Variants in MGAM observed in about 807,000 individuals in gnomAD.
MGAM encodes the protein maltase-glucoamylase.
In MGAM, 253 loss-of-function variants were observed where a neutral mutation model predicts 358.8. The observed-to-expected ratio is 0.71, with a 90% CI of 0.64 to 0.78. The LOEUF (loss-of-function observed/expected upper bound fraction) is 0.78. Ranked by LOEUF, MGAM falls within the 30% of genes least tolerant of loss-of-function variation. The pLI, the probability that MGAM is intolerant of heterozygous loss-of-function variation, is 0.00. For synonymous variants in MGAM, 1,105 were observed against 1,227.1 expected (o/e 0.90, Z 2.08); for missense variants, 3,080 against 3,432.6 (o/e 0.90, Z 2.57).
chr7:142,031,502 G>A (rs1290004761), intron 12 of MGAM, among the ~76,000 whole-genome samples, 178 bp from the exon 13 acceptor site: 1 of 152,048 alleles, frequency 6.6e-6, no homozygotes. Flanking sequence ...ATATTTCTTC[G>A]AGTGACCCTG....
chr7:142,075,401 C>T (rs1813656042), intron 45 of MGAM, among the ~76,000 whole-genome samples: 1 of 145,982 alleles, frequency 6.9e-6, no homozygotes, highest in South Asian at 2.2e-4. Flanking sequence ...GATATGATAC[C>T]AAAAGCAAAG....
chr7:142,012,754 G>A (rs1805688488), intron 3 of MGAM, among the ~76,000 whole-genome samples: 1 of 152,114 alleles, frequency 6.6e-6, no homozygotes, highest in South Asian at 2.1e-4. Flanking sequence ...TATTTAGTTG[G>A]TGGCTGATCT....
In MGAM at chr7:142,041,927, TAA is replaced by T. The variant is rs1563144573; in HGVS notation, c.2498+1082_2498+1083del. The stretch of plus-strand genomic sequence containing the variant: ...ATATTATATATATACGTATAATATA[TAA>T]TATATATATTATATATATACATATA... On this transcript the variant is annotated intron_variant, in intron 21 of 70. Transcript: ENST00000475668. Among the ~76,000 whole-genome samples, 16 of 62,846 alleles carry T rather than the reference TAA, an allele frequency of 2.5e-4. 1 individual carries two copies. The highest frequency in any genetic ancestry group is 1.5e-3 in the African/African-American group (11 of 7,466). 41.2% of individuals were successfully genotyped at this position (62,846 alleles called of 152,430 possible).
rs1477207800 is a variant in MGAM at position 142,085,948 on chromosome 7, T to C, written c.6623T>C (p.Val2208Ala). The C allele has an allele frequency of 6.4e-7, 1 of 1,565,564 alleles. No homozygotes were observed. Among genetic ancestry groups the C allele is most frequent in the Non-Finnish European group, 8.8e-7 (1 of 1,140,946 alleles). The stretch of plus-strand genomic sequence containing the variant: ...CGCATGAAGGCTGATGGGATGCGGG[T>C]CATCCTCATTCTGGTTAGTCCTGAT... The part of the protein sequence containing the change: ...INRMKADGMR[V>A]ILILDPAISG... Residue 2208 changes from valine to alanine, a missense_variant, in exon 55 of 71, where the codon GTC becomes GCC. Around this residue, in one of 5 missense-constraint regions of MGAM, gnomAD observed 932 missense variants for 1,198.2 expected, o/e 0.78. Coordinates refer to ENST00000475668, the MANE Select transcript of MGAM (RefSeq NM_001365693.1).
chr7:142,011,351 G>A (rs183440995), intron 3 of MGAM, among the ~76,000 whole-genome samples: 2 of 152,246 alleles, frequency 1.3e-5, no homozygotes, highest in Non-Finnish European at 2.9e-5. Context: ...CAAGGGTATT[G>A]CATTTTGCCA....
At chr7:142,016,115 C>T (rs923047438) in intron 3 of MGAM, among the ~76,000 whole-genome samples, 5 of 151,966 alleles carry the variant, frequency 3.3e-5, no homozygotes, top group Non-Finnish European at 7.4e-5. Flanking sequence ...TTCATGTTTG[C>T]TTTTGACATA....
intron 65 of MGAM, among the ~76,000 whole-genome samples, chr7:142,096,674 A>G (rs886662382): frequency 1.3e-5 from 2 of 152,210 alleles, no homozygotes; most frequent in Admixed American, 6.5e-5. Flanking sequence ...CAATGACACA[A>G]TCGTTTCTTC....
chr7:142,029,224 G>A (rs1430430619), intron 10 of MGAM, among the ~76,000 whole-genome samples: 2 of 152,090 alleles, frequency 1.3e-5, no homozygotes, highest in African/African-American at 2.4e-5. Flanking sequence ...GCTGGGCATG[G>A]TGGCAGGTGC....
chr7:142,049,515 A>T (rs1340718302), intron 22 of MGAM, among the ~76,000 whole-genome samples: 1 of 152,180 alleles, frequency 6.6e-6, no homozygotes, highest in Non-Finnish European at 1.5e-5. Context: ...GAAAAGGCAA[A>T]CTACAGAATG....
At chr7:141,990,274 T>C (rs991113179) in intron 2 of MGAM, among the ~76,000 whole-genome samples, 2 of 152,308 alleles carry the variant, frequency 1.3e-5, no homozygotes, top group South Asian at 4.1e-4. Flanking sequence ...ATGATTCACA[T>C]GCATTATTTC....
intron 2 of MGAM, among the ~76,000 whole-genome samples, chr7:142,006,502 C>T (rs913532911): frequency 2.0e-5 from 3 of 152,102 alleles, no homozygotes; most frequent in East Asian, 1.9e-4. Flanking sequence ...CCCAAAAAAC[C>T]GTTATGTGAC....
Position 142,096,363 on chromosome 7 carries a change from A to G in MGAM, c.7640A>G (p.Asp2547Gly), listed in dbSNP as rs776176991. Residue 2547 changes from aspartate to glycine, a missense_variant, in exon 65 of 71, where the codon GAC (aspartate) becomes GGC (glycine). Coordinates refer to ENST00000475668, the MANE Select transcript of MGAM (RefSeq NM_001365693.1). ...TCAGACCAGGTGACATGGGACATAG[A>G]CAGTCAGTTCCTGCTGGGCCCAGCC... ...FVSDQVTWDI[D>G]SQFLLGPAFL... 1 of 1,613,654 alleles carries G rather than the reference A, an allele frequency of 6.2e-7. No individual in the cohort carries two copies. The highest frequency in any genetic ancestry group is 8.5e-7 in the Non-Finnish European group (1 of 1,179,706).
In MGAM at chr7:142,031,219, G is replaced by C. The variant is rs76665842; in HGVS notation, c.1471-461G>C. Among the ~76,000 whole-genome samples, 1,407 of 152,226 alleles carry C rather than the reference G, an allele frequency of 9.2e-3. 16 individuals are homozygous for C. Among genetic ancestry groups the C allele is most frequent in the African/African-American group, 0.032 (1,350 of 41,540 alleles). On this transcript the variant is annotated intron_variant, in intron 12 of 70. Coordinates refer to ENST00000475668, the MANE Select transcript of MGAM (RefSeq NM_001365693.1). ...TTGTTTGTCCTTGTTTTTTCAGGAA[G>C]GTGTTATCTGCTTGTTCACTTCTAA...
chr7:141,997,000 TAAAATAA>T (rs1162182399), intron 1 of MGAM, among the ~76,000 whole-genome samples: 3 of 149,108 alleles, frequency 2.0e-5, no homozygotes, highest in Non-Finnish European at 3.0e-5. Flanking sequence ...AAAATAAACT[TAAAATAA>T]AACTTAAAAT....
At position 142,093,442 on chromosome 7, in the gene MGAM, G is replaced by C. The variant is rs761598410; in HGVS notation, c.7064G>C (p.Ser2355Thr). 1.3e-6 allele frequency: 2 copies of C among 1,537,646 alleles called. No individual in the cohort carries two copies. Among genetic ancestry groups the C allele is most frequent in the African/African-American group, 2.7e-5 (2 of 74,266 alleles). The change falls in exon 60 of 71, where the codon AGC (serine) becomes ACC (threonine). Residue 2355 changes from serine (S) to threonine (T), a missense_variant. By Grantham distance (58) the Ser-to-Thr change is moderately conservative. This residue lies in a region of MGAM where 932 missense variants were observed against 1,198.2 expected (regional missense o/e 0.78). Transcript: ENST00000475668. Reference sequence around the variant, plus strand: ...GAGTCCAGGGACAGGGGCCTGAGCAGCAAGACCCTGTGCATGGAGAGTCAG... The same window carrying C: ...GAGTCCAGGGACAGGGGCCTGAGCACCAAGACCCTGTGCATGGAGAGTCAG... Reference protein sequence around the residue: ...YLESRDRGLSSKTLCMESQQI... With the variant: ...YLESRDRGLSTKTLCMESQQI...
chr7:142,093,186 T>G (rs1815560901), intron 59 of MGAM, among the ~76,000 whole-genome samples: 1 of 146,594 alleles, frequency 6.8e-6, no homozygotes, highest in Non-Finnish European at 1.5e-5. Flanking sequence ...CAGCTGTACA[T>G]TCTTCCTGAC....
rs763830175 is a variant in MGAM at position 142,055,712 on chromosome 7, G to C, written c.3469G>C (p.Asp1157His). 3.1e-6 allele frequency: 5 copies of C among 1,613,742 alleles called. No individual in the cohort carries two copies. Among genetic ancestry groups the C allele is most frequent in the Non-Finnish European group, 4.2e-6 (5 of 1,179,874 alleles). Reference sequence around the variant, plus strand: ...GCACACTTGGGGGATGTTCTCCCGAGACCAGCCCCCAGGGGTAAGGACAGA... The same window carrying C: ...GCACACTTGGGGGATGTTCTCCCGACACCAGCCCCCAGGGGTAAGGACAGA... Reference protein sequence around the residue: ...EWHTWGMFSRDQPPGYKKNSY... With the variant: ...EWHTWGMFSRHQPPGYKKNSY... The change falls in exon 28 of 71, where the codon GAC becomes CAC. Residue 1157 changes from aspartate (D) to histidine (H), a missense_variant. Around this residue, in one of 5 missense-constraint regions of MGAM, gnomAD observed 1,816 missense variants for 1,840.5 expected, o/e 0.99. Transcript: ENST00000475668.
intron 21 of MGAM, 72 bp from the exon 22 acceptor site, chr7:142,047,712 TG>T: frequency 7.2e-7 from 1 of 1,386,596 alleles, no homozygotes; most frequent in Non-Finnish European, 1.0e-6. Context: ...TGAAATTTGA[TG>T]GAAATATTCT....
rs371468966 is a variant in MGAM, at chr7:142,054,771, G to C, written c.3177G>C (p.Lys1059Asn). ...MLQFKIYDPN[K>N]NRYEVPVPLN... ...TGGCCTAGATTTATGATCCCAACAA[G>C]AATCGGTATGAAGTTCCAGTCCCTC... Residue 1059 changes from lysine (K) to asparagine (N), a missense_variant, in exon 27 of 71, where the codon AAG becomes AAC. By Grantham distance (94) the Lys-to-Asn change is moderately conservative. Coordinates refer to ENST00000475668, the MANE Select transcript of MGAM (RefSeq NM_001365693.1). The C allele has an allele frequency of 1.6e-4, 265 of 1,613,766 alleles. No homozygotes were observed. The East Asian group carries it at 1.8e-3, about 11-fold the overall frequency.
Sources: gnomAD v4.1 joint callset for allele counts (sites outside exome capture counted in the v4.1 genomes callset) on GRCh38, gnomAD v4.1.1 for gene constraint, gnomAD v4.1.1 regional missense constraint, MANE v1.5 for transcripts, NCBI Gene and HGNC (gene_info 2026-07-23, HGNC 2026-07-21) for gene names.